ACTR3C: variants seen among roughly 807,000 people sequenced by gnomAD.
The protein encoded by ACTR3C is actin-related protein 3C.
ACTR3C carries 18 observed loss-of-function variants against 26.3 expected under a neutral mutation model. The ratio of observed to expected loss-of-function variants is 0.68; its 90% CI spans 0.47 to 1.01. ACTR3C has a LOEUF of 1.01. Among genes scored for constraint, ACTR3C ranks in the 50% least tolerant of loss-of-function variants. ACTR3C has a pLI of 0.00. For missense variants in ACTR3C, 184 were observed against 250.7 expected, an observed-to-expected ratio of 0.73 and a Z score of 1.80; for synonymous variants, 55 against 94.5, an observed-to-expected ratio of 0.58 and a Z score of 2.42.
chr7:150,189,340 AGAGT>A, the ACTR3C span, among the ~76,000 whole-genome samples: 2 of 152,158 alleles, frequency 1.3e-5, no homozygotes, highest in African/African-American at 4.8e-5. Context: ...CATCTATAAT[AGAGT>A]TAGTTTCATT....
chr7:150,242,385 G>C (rs556703141), downstream of ACTR3C, among the ~76,000 whole-genome samples: 2 of 150,764 alleles, frequency 1.3e-5, no homozygotes, highest in Non-Finnish European at 1.5e-5. Flanking sequence ...CATGGGGCAG[G>C]CCAGACTGTC....
chr7:150,148,661 A>T, the ACTR3C span, among the ~76,000 whole-genome samples: 2 of 152,130 alleles, frequency 1.3e-5, no homozygotes, highest in African/African-American at 4.8e-5. Flanking sequence ...CATTTTTACA[A>T]TTCATAAATG....
At chr7:149,895,897 A>G in the ACTR3C span, among the ~76,000 whole-genome samples, 2 of 152,082 alleles carry the variant, frequency 1.3e-5, no homozygotes, top group African/African-American at 4.8e-5. Flanking sequence ...ATTTCAGGAG[A>G]GAGTAAATAA....
chr7:150,225,025 G>A, the ACTR3C span, among the ~76,000 whole-genome samples: 2 of 151,590 alleles, frequency 1.3e-5, no homozygotes, highest in Admixed American at 1.3e-4. Context: ...GTGTGTGTGT[G>A]TGTGTGTGTG....
the ACTR3C span, among the ~76,000 whole-genome samples, chr7:149,976,337 G>A: frequency 1.8e-4 from 27 of 152,260 alleles, no homozygotes; most frequent in Non-Finnish European, 3.2e-4. Flanking sequence ...CACTTTGGGA[G>A]GCTGAGGCGG....
At chr7:150,257,481 G>A (rs1363446456) in intron 6 of ACTR3C, among the ~76,000 whole-genome samples, 2 of 152,236 alleles carry the variant, frequency 1.3e-5, no homozygotes, top group African/African-American at 4.8e-5. Context: ...CCAATACCAA[G>A]AAGGAAATGC....
chr7:150,180,613 C>T, the ACTR3C span, among the ~76,000 whole-genome samples: 10 of 147,422 alleles, frequency 6.8e-5, no homozygotes, highest in South Asian at 4.2e-4. Flanking sequence ...CCCGGGTTCA[C>T]GCCATTCTCC....
intron 1 of ACTR3C, among the ~76,000 whole-genome samples, chr7:150,315,075 A>C (rs910231785): frequency 2.7e-4 from 40 of 147,150 alleles, no homozygotes; most frequent in African/African-American, 9.6e-4. Context: ...TAAATAAGAA[A>C]ATATTTATTA....
At chr7:150,046,043 T>C in the ACTR3C span, among the ~76,000 whole-genome samples, 1 of 152,224 alleles carries the variant, frequency 6.6e-6, no homozygotes, top group Non-Finnish European at 1.5e-5. Flanking sequence ...TCTGTCTATT[T>C]CCCTCAGGGC....
At chr7:149,962,123 T>G in the ACTR3C span, among the ~76,000 whole-genome samples, 1 of 152,006 alleles carries the variant, frequency 6.6e-6, no homozygotes, top group Non-Finnish European at 1.5e-5. Flanking sequence ...AAGTGTATGC[T>G]CACAGGAAAT....
At chr7:150,306,028 T>C (rs1246817673) in intron 1 of ACTR3C, among the ~76,000 whole-genome samples, 1 of 152,204 alleles carries the variant, frequency 6.6e-6, no homozygotes, top group African/African-American at 2.4e-5. Flanking sequence ...TTCTCATCAC[T>C]TCCTCAACCA....
chr7:150,157,754 C>CA, the ACTR3C span, among the ~76,000 whole-genome samples: 3 of 152,200 alleles, frequency 2.0e-5, no homozygotes, highest in African/African-American at 7.2e-5. Flanking sequence ...TGAGCATTCA[C>CA]AAGACTATGA....
the ACTR3C span, among the ~76,000 whole-genome samples, chr7:149,995,445 A>G: frequency 6.6e-6 from 1 of 152,252 alleles, no homozygotes; most frequent in African/African-American, 2.4e-5. Flanking sequence ...GAAAGAGTGA[A>G]ATCACAGATA....
the ACTR3C span, among the ~76,000 whole-genome samples, chr7:149,945,364 C>CT: frequency 6.7e-6 from 1 of 149,602 alleles, no homozygotes; most frequent in Non-Finnish European, 1.5e-5. Context: ...AGAGCCGTCA[C>CT]TGCTACTGTC....
intron 1 of ACTR3C, among the ~76,000 whole-genome samples, chr7:150,312,749 C>T (rs11974980): frequency 0.28 from 41,859 of 151,950 alleles, 5,929 homozygotes; most frequent in East Asian, 0.43. Flanking sequence ...CCCATAATCC[C>T]CAGAAAAAAC....
At chr7:150,119,558 A>G in the ACTR3C span, among the ~76,000 whole-genome samples, 1 of 152,200 alleles carries the variant, frequency 6.6e-6, no homozygotes, top group East Asian at 1.9e-4. Context: ...TATGCACCCA[A>G]TACAGGAGCA....
chr7:150,028,126 AAAT>A, the ACTR3C span, among the ~76,000 whole-genome samples: 1 of 152,308 alleles, frequency 6.6e-6, no homozygotes, highest in African/African-American at 2.4e-5. Flanking sequence ...TATGTTTTAA[AAAT>A]AATGATTATG....
the ACTR3C span, among the ~76,000 whole-genome samples, chr7:150,039,189 G>A: frequency 4.0e-4 from 59 of 147,152 alleles, no homozygotes; most frequent in African/African-American, 8.7e-4. Context: ...CCCGCCTCGC[G>A]GGGGGTGCCT....
chr7:150,199,625 A>T, the ACTR3C span, among the ~76,000 whole-genome samples: 20,572 of 134,076 alleles, frequency 0.15, 3,201 homozygotes, highest in African/African-American at 0.38. Context: ...TTAAAAAAAA[A>T]AAATAAATAA....
Sources: allele counts gnomAD v4.1 joint callset (sites outside exome capture counted in the v4.1 genomes callset), GRCh38; gene constraint gnomAD v4.1.1; transcripts MANE v1.5; gene names NCBI Gene and HGNC (gene_info 2026-07-23, HGNC 2026-07-21).